The following CD34 variants were observed in gnomAD, a reference collection of about 807,000 sequenced individuals.
CD34 encodes the protein hematopoietic progenitor cell antigen CD34.
Under a neutral mutation model 40.1 loss-of-function variants are expected in CD34, and 34 were observed. The ratio of observed to expected loss-of-function variants is 0.85; its 90% CI spans 0.65 to 1.13. The LOEUF (loss-of-function observed/expected upper bound fraction) is 1.13. CD34 is among the 50% of genes most tolerant of loss of function. The probability of loss-of-function intolerance (pLI) is 0.00; values close to 1 mark genes in which losing one functional copy is unlikely to be tolerated. For missense variants in CD34, 426 were observed against 466.9 expected, an observed-to-expected ratio of 0.91 and a Z score of 0.81; for synonymous variants, 209 against 190.0, an observed-to-expected ratio of 1.10 and a Z score of -0.82.
At chr1:207,909,920 A>G (rs1352985340) in intron 1 of CD34, among the ~76,000 whole-genome samples, 1 of 152,260 alleles carries the variant, frequency 6.6e-6, no homozygotes, top group African/African-American at 2.4e-5. Context: ...AAAGAGGTCT[A>G]GTCCAGGTCA....
chr1:207,900,343 AG>A (rs1290633730), intron 1 of CD34, among the ~76,000 whole-genome samples: 5 of 152,212 alleles, frequency 3.3e-5, no homozygotes, highest in African/African-American at 4.8e-5. Flanking sequence ...AACATTAGAA[AG>A]AAAAAAATTA....
chr1:207,909,246 A>G (rs2102308568), intron 1 of CD34, among the ~76,000 whole-genome samples: 1 of 152,262 alleles, frequency 6.6e-6, no homozygotes, highest in Middle Eastern at 3.4e-3. Flanking sequence ...TCGGCAGGCC[A>G]AGGCGAGACT....
chr1:207,898,216 G>T (rs2466570), intron 3 of CD34, among the ~76,000 whole-genome samples: 5,774 of 151,942 alleles, frequency 0.038, 165 homozygotes, highest in Non-Finnish European at 0.056. Context: ...GCTAATTTTT[G>T]TATGTTTTGG....
At chr1:207,888,960 T>A in intron 6 of CD34, 114 bp from the exon 7 acceptor site, 1 of 1,125,768 alleles carries the variant, frequency 8.9e-7, no homozygotes. Flanking sequence ...GGCATTGACC[T>A]CAGGAATTTT....
intron 1 of CD34, among the ~76,000 whole-genome samples, chr1:207,909,396 G>GT (rs928621236): frequency 3.3e-5 from 5 of 151,896 alleles, no homozygotes; most frequent in African/African-American, 9.7e-5. Flanking sequence ...CTGTTTTTTT[G>GT]TTTTTTGTTT....
chr1:207,893,781 AAAG>A (rs1465542274), intron 4 of CD34, among the ~76,000 whole-genome samples: 3 of 152,358 alleles, frequency 2.0e-5, no homozygotes, highest in African/African-American at 7.2e-5. Flanking sequence ...ACTTTTCCCC[AAAG>A]AAGATATACA....
chr1:207,908,211 A>C (rs1303124827), intron 1 of CD34, among the ~76,000 whole-genome samples: 5 of 152,366 alleles, frequency 3.3e-5, no homozygotes, highest in African/African-American at 1.2e-4. Context: ...GAAGGAGATG[A>C]GGACAAGGGA....
At position 207,889,210 on chromosome 1, in the gene CD34, A is replaced by G; in HGVS notation, c.758T>C (p.Ile253Thr). 1.9e-6 allele frequency: 3 copies of G among 1,613,598 alleles called. No individual in the cohort carries two copies. The highest frequency in any genetic ancestry group is 2.5e-6 in the Non-Finnish European group (3 of 1,179,558). ...TTTCATAAGTTGGAGTTTGCTGGAA[A>G]TTTCTAGAATTAGAAACAAGGGTTG... is the stretch of plus-strand genomic sequence containing the variant. The part of the protein sequence containing the change: ...LLLVLANRTE[I>T]SSKLQLMKKH... Residue 253 changes from isoleucine to threonine, a missense_variant, in exon 6 of 8, where the codon ATT (isoleucine) becomes ACT (threonine). Transcript: ENST00000310833.
rs149996668 is a variant in CD34 at position 207,901,034 on chromosome 1, T to C, written c.80-1031A>G. 9.6e-3 allele frequency among the ~76,000 whole-genome samples: 1,433 copies of C among 149,938 alleles called. 12 individuals are homozygous for C. The highest frequency in any genetic ancestry group is 0.032 in the Middle Eastern group (9 of 282). On this transcript the variant is annotated intron_variant, in intron 1 of 7. Coordinates refer to ENST00000310833, the MANE Select transcript of CD34 (RefSeq NM_001025109.2). The stretch of plus-strand genomic sequence containing the variant: ...TTTTTTAAGACAGGGTCTTGCTCTG[T>C]CATCACAGCACCCAGGCTAGAATGC...
chr1:207,894,306 A>C (rs2262269), intron 4 of CD34, among the ~76,000 whole-genome samples: 36,380 of 152,168 alleles, frequency 0.24, 5,079 homozygotes, highest in Non-Finnish European at 0.33. Context: ...GTCACATAAC[A>C]AGACAAACAC....
At chr1:207,901,278 T>C (rs1218157633) in intron 1 of CD34, among the ~76,000 whole-genome samples, 1 of 152,214 alleles carries the variant, frequency 6.6e-6, no homozygotes, top group East Asian at 1.9e-4. Flanking sequence ...ATGTACCCTC[T>C]CTTCTAGGTC....
At chr1:207,888,899 C>T in intron 6 of CD34, 53 bp from the exon 7 acceptor site, 1 of 1,529,800 alleles carries the variant, frequency 6.5e-7, no homozygotes, top group South Asian at 1.1e-5. Context: ...AAGTGGAGCC[C>T]AGCCCGCTCC....
Position 207,889,622 on chromosome 1 carries a change from C to G in CD34, c.598-1G>C. 1.2e-6 allele frequency: 2 copies of G among 1,612,298 alleles called. No individual in the cohort carries two copies. The highest frequency in any genetic ancestry group is 1.7e-6 in the Non-Finnish European group (2 of 1,179,216). The stretch of plus-strand genomic sequence containing the variant: ...CTCCCCTGTCCTTCTTAAACTCCGC[C>G]TGGGAAGACAGAGAAACATGGAGAG... On this transcript the variant is annotated splice_acceptor_variant, in intron 4 of 7. Transcript: ENST00000310833. LOFTEE classifies it high-confidence loss of function.
chr1:207,889,723 C>G, intron 4 of CD34, 102 bp from the exon 5 acceptor site: 1 of 1,592,880 alleles, frequency 6.3e-7, no homozygotes, highest in Non-Finnish European at 8.5e-7. Flanking sequence ...ACCCCGTCCG[C>G]AAGAAGGATC....
At chr1:207,910,117 G>A (rs939820179) in intron 1 of CD34, among the ~76,000 whole-genome samples, 7 of 152,238 alleles carry the variant, frequency 4.6e-5, no homozygotes, top group African/African-American at 1.7e-4. Context: ...AATATTTACC[G>A]GGTGCCTATT....
At chr1:207,909,406 T>TTTTG (rs769785520) in intron 1 of CD34, among the ~76,000 whole-genome samples, 9 of 152,124 alleles carry the variant, frequency 5.9e-5, no homozygotes, top group East Asian at 1.9e-4. Flanking sequence ...GTTTTTTGTT[T>TTTTG]TTTGTTTGTT....
rs2102292030 is a variant in CD34, at chr1:207,884,483, A to C, written c.*3255T>G. 6.6e-6 allele frequency: 1 copy of C among 152,368 alleles called. No individual in the cohort carries two copies. The highest frequency in any genetic ancestry group is 6.5e-5 in the Admixed American group (1 of 15,308). 9.4% of individuals were successfully genotyped at this position (152,368 alleles called of 1,614,324 possible). A position where few individuals can be genotyped will look rare whatever the true frequency, so the allele number is the denominator to read the frequency against. ...AGTGTCTGGCACATCATAAGACTTG[A>C]TGAATGATTGAATGGTGGCTGGAAG... On this transcript the variant is annotated 3_prime_UTR_variant, in exon 8 of 8. Transcript: ENST00000310833.
rs1334607142 is a variant in CD34, at chr1:207,887,681, A to G, written c.*57T>C. Reference sequence around the variant, plus strand: ...TCCAGCATGGGGGTAGCACGTGGTCAGATGCAGAGAGGGGTGCTCTCTCGG... The same window carrying G: ...TCCAGCATGGGGGTAGCACGTGGTCGGATGCAGAGAGGGGTGCTCTCTCGG... On this transcript the variant is annotated 3_prime_UTR_variant, in exon 8 of 8. Transcript: ENST00000310833. 2 of 1,606,168 alleles carry G rather than the reference A, an allele frequency of 1.2e-6. No individual in the cohort carries two copies. Among genetic ancestry groups the G allele is most frequent in the Admixed American group, 3.3e-5 (2 of 59,738 alleles).
intron 1 of CD34, among the ~76,000 whole-genome samples, chr1:207,901,986 G>A (rs1412116527): frequency 6.6e-6 from 1 of 152,182 alleles, no homozygotes; most frequent in East Asian, 1.9e-4. Context: ...AGGATCAAGA[G>A]GGAAGTTAGA....
Sources: allele counts gnomAD v4.1 joint callset (sites outside exome capture counted in the v4.1 genomes callset), GRCh38; gene constraint gnomAD v4.1.1; transcripts MANE v1.5; gene names NCBI Gene and HGNC (gene_info 2026-07-23, HGNC 2026-07-21).